CBLB: variants seen among roughly 807,000 people sequenced by gnomAD.
CBLB encodes Cbl proto-oncogene B.
In CBLB, 31 loss-of-function variants were observed where a neutral mutation model predicts 104.9. The ratio of observed to expected loss-of-function variants is 0.30; its 90% CI spans 0.22 to 0.40. CBLB has a LOEUF of 0.40. Ranked by LOEUF, CBLB falls within the 10% of genes least tolerant of loss-of-function variation. CBLB has a pLI of 1.00. For missense variants in CBLB, 1,062 were observed against 1,214.6 expected, an observed-to-expected ratio of 0.87 and a Z score of 1.87; for synonymous variants, 440 against 422.6, an observed-to-expected ratio of 1.04 and a Z score of -0.51.
At chr3:105,756,798 G>A (rs988022765) in intron 4 of CBLB, among the ~76,000 whole-genome samples, 4 of 152,170 alleles carry the variant, frequency 2.6e-5, no homozygotes, top group African/African-American at 9.7e-5. Flanking sequence ...GGATGATAGA[G>A]TTTGGGTATT....
Position 105,658,998 on chromosome 3 carries a change from G to A in CBLB, c.2921C>T (p.Pro974Leu). Residue 974 changes from proline to leucine, a missense_variant, in exon 19 of 19, where the codon CCT becomes CTT. Transcript: ENST00000394030. ...RSILREFAFP[P>L]PVSPRLNL ...TAGATTTAGACGTGGGGATACTGGA[G>A]GAGGGAAGGCAAATTCTCGGAGGAT... 2 of 1,613,962 alleles carry A rather than the reference G, an allele frequency of 1.2e-6. No homozygotes were observed. The highest frequency in any genetic ancestry group is 1.3e-5 in the African/African-American group (1 of 75,026).
chr3:105,769,202 C>A (rs763014229), intron 4 of CBLB, among the ~76,000 whole-genome samples: 15 of 152,070 alleles, frequency 9.9e-5, no homozygotes, highest in Non-Finnish European at 1.9e-4. Flanking sequence ...CCTGTAATCC[C>A]AGCTACTTGG....
intron 3 of CBLB, among the ~76,000 whole-genome samples, chr3:105,783,045 T>G (rs1215151480): frequency 1.3e-5 from 2 of 152,246 alleles, no homozygotes; most frequent in Admixed American, 1.3e-4. Context: ...TGCCAGCCTA[T>G]GATGCTCAAT....
At chr3:105,737,536 G>A (rs1263008231) in intron 7 of CBLB, among the ~76,000 whole-genome samples, 1 of 152,030 alleles carries the variant, frequency 6.6e-6, no homozygotes, top group East Asian at 1.9e-4. Flanking sequence ...TCTTATATAA[G>A]TTAAGAATTT....
intron 4 of CBLB, among the ~76,000 whole-genome samples, chr3:105,762,553 C>A (rs377700680): frequency 3.9e-5 from 6 of 152,266 alleles, no homozygotes; most frequent in African/African-American, 1.4e-4. Context: ...CAAGCCTTGG[C>A]AGCTTCCACA....
intron 3 of CBLB, among the ~76,000 whole-genome samples, chr3:105,838,313 A>T (rs1332943195): frequency 1.4e-5 from 2 of 138,586 alleles, no homozygotes; most frequent in Non-Finnish European, 3.0e-5. Context: ...CAGGCTCCTA[A>T]CACCATTTTA....
At chr3:105,815,879 G>T (rs1027348351) in intron 3 of CBLB, among the ~76,000 whole-genome samples, 1 of 152,188 alleles carries the variant, frequency 6.6e-6, no homozygotes, top group Admixed American at 6.5e-5. Context: ...AAAAGAATGA[G>T]TTCATGTCCT....
At chr3:105,787,357 C>A (rs2081143404) in intron 3 of CBLB, among the ~76,000 whole-genome samples, 1 of 152,138 alleles carries the variant, frequency 6.6e-6, no homozygotes, top group African/African-American at 2.4e-5. Context: ...TGCTGACAGA[C>A]CAGGTTTCTA....
chr3:105,753,715 AGTT>A (rs1253531438), intron 4 of CBLB, among the ~76,000 whole-genome samples: 7 of 152,196 alleles, frequency 4.6e-5, no homozygotes, highest in Admixed American at 1.3e-4. Context: ...TAACATATAA[AGTT>A]TTTTTAAAAA....
At chr3:105,848,699 G>C (rs994018633) in intron 3 of CBLB, among the ~76,000 whole-genome samples, 2 of 152,066 alleles carry the variant, frequency 1.3e-5, no homozygotes, top group Admixed American at 1.3e-4. Context: ...AGAATCACAT[G>C]AAGTAATACT....
chr3:105,799,238 TAA>T (rs2082576104), intron 3 of CBLB, among the ~76,000 whole-genome samples: 1 of 140,008 alleles, frequency 7.1e-6, no homozygotes, highest in South Asian at 2.2e-4. Flanking sequence ...GTAAAAACAT[TAA>T]GAGGGTATTA....
At chr3:105,845,759 G>A (rs1378908398) in intron 3 of CBLB, among the ~76,000 whole-genome samples, 1 of 152,022 alleles carries the variant, frequency 6.6e-6, no homozygotes, top group Non-Finnish European at 1.5e-5. Context: ...TAACTTTCTT[G>A]TGGCCTCTAC....
At chr3:105,666,708 T>C (rs6765210) in intron 18 of CBLB, among the ~76,000 whole-genome samples, 2,624 of 152,086 alleles carry the variant, frequency 0.017, 77 homozygotes, top group African/African-American at 0.059. Flanking sequence ...ATACTGCCTA[T>C]AGAAGGACAT....
intron 3 of CBLB, among the ~76,000 whole-genome samples, chr3:105,788,570 A>G (rs529356743): frequency 1.3e-5 from 2 of 152,354 alleles, no homozygotes; most frequent in African/African-American, 4.8e-5. Flanking sequence ...TAAGGTACTT[A>G]GTAACTAGAT....
intron 9 of CBLB, among the ~76,000 whole-genome samples, chr3:105,731,234 C>A (rs1461879484): frequency 6.6e-6 from 1 of 152,142 alleles, no homozygotes; most frequent in Non-Finnish European, 1.5e-5. Context: ...GCCTTTTGCA[C>A]ATAATGAACC....
chr3:105,802,172 C>T (rs1177505637), intron 3 of CBLB, among the ~76,000 whole-genome samples: 1 of 152,184 alleles, frequency 6.6e-6, no homozygotes, highest in Non-Finnish European at 1.5e-5. Context: ...ATGTCAGATT[C>T]TTTTCTTCAT....
At chr3:105,867,967 A>T (rs962582124) in intron 1 of CBLB, among the ~76,000 whole-genome samples, 2 of 152,102 alleles carry the variant, frequency 1.3e-5, no homozygotes, top group Non-Finnish European at 2.9e-5. Context: ...CCTTAATTCC[A>T]ATTCAAAATA....
At chr3:105,665,710 T>C (rs1049102321) in intron 18 of CBLB, among the ~76,000 whole-genome samples, 1 of 148,976 alleles carries the variant, frequency 6.7e-6, no homozygotes, top group African/African-American at 2.4e-5. Flanking sequence ...TACAATTATA[T>C]ATAATATTAA....
chr3:105,670,756 A>G (rs988014644), intron 17 of CBLB: 6 of 194,180 alleles, frequency 3.1e-5, no homozygotes, highest in South Asian at 1.9e-4. Context: ...GATCCTCCCT[A>G]TAAGAGTATT....
Sources: gnomAD v4.1 joint callset for allele counts (sites outside exome capture counted in the v4.1 genomes callset) on GRCh38, gnomAD v4.1.1 for gene constraint, MANE v1.5 for transcripts, NCBI Gene and HGNC (gene_info 2026-07-23, HGNC 2026-07-21) for gene names.